Variants in CWF19L2 observed in about 807,000 individuals in gnomAD.
CWF19L2 encodes CWF19 like cell cycle control factor 2, also known as CWF19-like protein 2.
A neutral mutation model predicts 111.7 loss-of-function variants in CWF19L2; 98 were observed. The observed-to-expected ratio is 0.88, with a 90% CI of 0.75 to 1.04. The LOEUF (loss-of-function observed/expected upper bound fraction) is 1.04. Ranked by LOEUF, CWF19L2 falls within the 50% of genes least tolerant of loss-of-function variation. The pLI is 0.00. For missense variants in CWF19L2, 1,101 were observed against 1,051.4 expected, an observed-to-expected ratio of 1.05 and a Z score of -0.65; for synonymous variants, 351 against 342.9, an observed-to-expected ratio of 1.02 and a Z score of -0.26.
intron 12 of CWF19L2, among the ~76,000 whole-genome samples, chr11:107,388,388 AT>A (rs199514683): frequency 2.4e-4 from 36 of 147,682 alleles, no homozygotes; most frequent in African/African-American, 3.5e-4. Flanking sequence ...TGGCTATACA[AT>A]TTTTTTTTTT....
intron 6 of CWF19L2, among the ~76,000 whole-genome samples, chr11:107,435,278 A>G (rs1414438275): frequency 6.6e-6 from 1 of 152,190 alleles, no homozygotes; most frequent in Non-Finnish European, 1.5e-5. Flanking sequence ...TGTTATTTAT[A>G]TAGTTCATGA....
At chr11:107,400,189 C>T (rs2135383765) in intron 10 of CWF19L2, among the ~76,000 whole-genome samples, 1 of 151,716 alleles carries the variant, frequency 6.6e-6, no homozygotes, top group East Asian at 1.9e-4. Context: ...CAAACCCAAA[C>T]CCAGCAGAAA....
rs113006704 is a variant in CWF19L2 at position 107,372,503 on chromosome 11, A to G, written c.1872+17571T>C. Among the ~76,000 whole-genome samples, 41 of 136,948 alleles carry G rather than the reference A, an allele frequency of 3.0e-4. 7 individuals are homozygous for G. Among genetic ancestry groups the G allele is most frequent in the African/African-American group, 1.2e-3 (41 of 34,182 alleles). 89.8% of individuals were successfully genotyped at this position (136,948 alleles called of 152,430 possible). A position where few individuals can be genotyped will look rare whatever the true frequency, so the allele number is the denominator to read the frequency against. ...AAAGAGTGTGATTCAAGATGAGTCT[A>G]AAGAGGTAGTGACCAGGCCATTCCA... On this transcript the variant is annotated intron_variant, in intron 12 of 17. Coordinates refer to ENST00000282251, the MANE Select transcript of CWF19L2 (RefSeq NM_152434.3).
chr11:107,452,369 G>A (rs935625795), intron 3 of CWF19L2, among the ~76,000 whole-genome samples: 2 of 151,228 alleles, frequency 1.3e-5, no homozygotes, highest in Non-Finnish European at 2.9e-5. Flanking sequence ...TTCCACTCAC[G>A]ATAGCACTTC....
At chr11:107,358,471 G>C (rs1244901955) in intron 12 of CWF19L2, among the ~76,000 whole-genome samples, 3 of 152,140 alleles carry the variant, frequency 2.0e-5, no homozygotes, top group Non-Finnish European at 2.9e-5. Context: ...ACAAGGTTGA[G>C]TTACCACATG....
chr11:107,447,029 T>C (rs531955873), intron 3 of CWF19L2, among the ~76,000 whole-genome samples: 9 of 152,198 alleles, frequency 5.9e-5, no homozygotes, highest in South Asian at 2.1e-4. Flanking sequence ...ACCTAGAAGG[T>C]GGAACTAAGA....
At chr11:107,417,267 AAT>A (rs1402320915) in intron 9 of CWF19L2, among the ~76,000 whole-genome samples, 1 of 152,204 alleles carries the variant, frequency 6.6e-6, no homozygotes, top group African/African-American at 2.4e-5. Context: ...TGTGCACTTA[AAT>A]ATATACATCT....
At chr11:107,455,395 T>G (rs1861839742) in intron 2 of CWF19L2, among the ~76,000 whole-genome samples, 1 of 152,118 alleles carries the variant, frequency 6.6e-6, no homozygotes, top group East Asian at 1.9e-4. Context: ...ATGCATAAAT[T>G]TTTAGGCCTA....
chr11:107,352,014 A>G (rs1860162594), intron 13 of CWF19L2, among the ~76,000 whole-genome samples: 1 of 152,200 alleles, frequency 6.6e-6, no homozygotes. Context: ...ATGGAAGACT[A>G]GATAATTCTC....
chr11:107,367,710 G>A (rs1331081346), intron 12 of CWF19L2, among the ~76,000 whole-genome samples: 1 of 104,890 alleles, frequency 9.5e-6, no homozygotes, highest in South Asian at 3.8e-4. Context: ...ATAGCATTGG[G>A]AGATATACCT....
chr11:107,452,964 G>T (rs1490058753), intron 3 of CWF19L2, among the ~76,000 whole-genome samples: 1 of 152,150 alleles, frequency 6.6e-6, no homozygotes, highest in African/African-American at 2.4e-5. Context: ...GCAACATAGT[G>T]AGGCTCCATC....
intron 10 of CWF19L2, among the ~76,000 whole-genome samples, chr11:107,410,365 G>C (rs562600188): frequency 6.4e-4 from 98 of 152,240 alleles, no homozygotes; most frequent in African/African-American, 2.3e-3. Flanking sequence ...AATTCTTTCA[G>C]AATTTTTGGC....
chr11:107,362,517 C>A (rs886135565), intron 12 of CWF19L2, among the ~76,000 whole-genome samples: 2 of 152,144 alleles, frequency 1.3e-5, no homozygotes, highest in African/African-American at 4.8e-5. Context: ...TCCCTGACCC[C>A]TGACCCCCGA....
rs1363182476 is a variant in CWF19L2, at chr11:107,369,968, T to C, written c.1873-16232A>G. Among the ~76,000 whole-genome samples the C allele has an allele frequency of 2.9e-5, 4 of 137,828 alleles. 1 individual carries two copies. The highest frequency in any genetic ancestry group is 6.2e-5 in the Non-Finnish European group (4 of 64,148). 90.4% of individuals were successfully genotyped at this position (137,828 alleles called of 152,430 possible). A position where few individuals can be genotyped will look rare whatever the true frequency, so the allele number is the denominator to read the frequency against. On this transcript the variant is annotated intron_variant, in intron 12 of 17. Transcript: ENST00000282251. ...CTGTAGCCCAGGCTGGAGTGCAGTG[T>C]TGGGATTGTAATATTAGCTTTTTGA...
chr11:107,406,834 C>T (rs1861085549), intron 10 of CWF19L2, among the ~76,000 whole-genome samples: 1 of 151,408 alleles, frequency 6.6e-6, no homozygotes, highest in African/African-American at 2.4e-5. Flanking sequence ...ATCGTATCTA[C>T]TCTTTGTTAT....
intron 3 of CWF19L2, among the ~76,000 whole-genome samples, chr11:107,448,539 G>T (rs1453465383): frequency 6.6e-6 from 1 of 151,838 alleles, no homozygotes; most frequent in Non-Finnish European, 1.5e-5. Context: ...TTCGAAAAAA[G>T]CCTGAAAGTT....
intron 5 of CWF19L2, among the ~76,000 whole-genome samples, chr11:107,440,063 C>T (rs1373138771): frequency 5.9e-5 from 9 of 152,212 alleles, no homozygotes; most frequent in African/African-American, 1.2e-4. Flanking sequence ...ATGTGTGACG[C>T]GGCCATGGTC....
chr11:107,440,505 A>T (rs1861606043), intron 5 of CWF19L2, among the ~76,000 whole-genome samples: 2 of 152,182 alleles, frequency 1.3e-5, no homozygotes, highest in South Asian at 4.1e-4. Flanking sequence ...TTGTTAGTTT[A>T]CCACAAAATC....
chr11:107,448,343 CAAAAAAAAAAAAA>C (rs61259014), intron 3 of CWF19L2, among the ~76,000 whole-genome samples: 2 of 54,902 alleles, frequency 3.6e-5, no homozygotes, highest in Non-Finnish European at 6.2e-5. Context: ...GACTCCGTCA[CAAAAAAAAAAAAA>C]AAAAAAAAAA....
Sources: gnomAD v4.1 joint callset for allele counts (sites outside exome capture counted in the v4.1 genomes callset) on GRCh38, gnomAD v4.1.1 for gene constraint, MANE v1.5 for transcripts, NCBI Gene and HGNC (gene_info 2026-07-23, HGNC 2026-07-21) for gene names.